CACNA2D3: variants seen among roughly 807,000 people sequenced by gnomAD.
The protein encoded by CACNA2D3 is calcium voltage-gated channel auxiliary subunit alpha2delta 3, also known as voltage-dependent calcium channel subunit alpha-2/delta-3.
In CACNA2D3, 60 loss-of-function variants were observed where a neutral mutation model predicts 160.6. The observed-to-expected ratio is 0.37, with a 90% confidence interval of 0.30 to 0.46. CACNA2D3 has a LOEUF of 0.46. Ranked by LOEUF, CACNA2D3 falls within the 20% of genes least tolerant of loss-of-function variation. The pLI, the probability that CACNA2D3 is intolerant of heterozygous loss-of-function variation, is 1.00. For missense variants in CACNA2D3, 1,205 were observed against 1,365.0 expected (o/e 0.88, Z 1.85); for synonymous variants, 558 against 492.9 (o/e 1.13, Z -1.75).
At chr3:54,464,891 G>A (rs542248953) in intron 4 of CACNA2D3, among the ~76,000 whole-genome samples, 123 of 152,284 alleles carry the variant, frequency 8.1e-4, no homozygotes, top group African/African-American at 2.3e-3. Flanking sequence ...GCTGTAGACC[G>A]GAGCTGTTCC....
intron 35 of CACNA2D3, among the ~76,000 whole-genome samples, chr3:55,031,044 C>T (rs748075316): frequency 6.6e-6 from 1 of 152,162 alleles, no homozygotes; most frequent in Non-Finnish European, 1.5e-5. Context: ...TGTCTGGGCT[C>T]ACAACACAGT....
intron 2 of CACNA2D3, among the ~76,000 whole-genome samples, chr3:54,285,372 A>G (rs953195602): frequency 1.3e-5 from 2 of 152,194 alleles, no homozygotes; most frequent in African/African-American, 4.8e-5. Flanking sequence ...GGCGGCAGCG[A>G]GGCTGGGGGA....
intron 11 of CACNA2D3, among the ~76,000 whole-genome samples, chr3:54,679,389 G>A (rs547701164): frequency 2.0e-5 from 3 of 152,174 alleles, no homozygotes; most frequent in African/African-American, 4.8e-5. Flanking sequence ...ATGCTAGAGC[G>A]GTTGAGGGAA....
At chr3:55,000,360 C>T (rs546993279) in intron 31 of CACNA2D3, among the ~76,000 whole-genome samples, 4 of 152,104 alleles carry the variant, frequency 2.6e-5, no homozygotes, top group Non-Finnish European at 5.9e-5. Context: ...TTTGTAACCT[C>T]GTCAATGGCA....
chr3:54,948,766 A>G (rs914000127), intron 27 of CACNA2D3, among the ~76,000 whole-genome samples: 2 of 152,242 alleles, frequency 1.3e-5, no homozygotes, highest in African/African-American at 4.8e-5. Context: ...ACAGATCTCT[A>G]TACATGAAGA....
At chr3:54,845,914 A>G (rs1559602713) in intron 16 of CACNA2D3, among the ~76,000 whole-genome samples, 3 of 152,188 alleles carry the variant, frequency 2.0e-5, no homozygotes, top group Admixed American at 2.0e-4. Flanking sequence ...ATGGAAAATG[A>G]CGGCCTAGGG....
intron 5 of CACNA2D3, among the ~76,000 whole-genome samples, chr3:54,539,858 C>T (rs1052412169): frequency 5.3e-5 from 8 of 152,084 alleles, no homozygotes; most frequent in Non-Finnish European, 1.2e-4. Flanking sequence ...AGTTTGTGGC[C>T]GGGTATTTTA....
intron 2 of CACNA2D3, among the ~76,000 whole-genome samples, chr3:54,276,684 A>G (rs916415944): frequency 6.6e-6 from 1 of 151,848 alleles, no homozygotes. Context: ...GGAATTAGGG[A>G]GGGGATGAGA....
At chr3:54,808,327 C>G (rs1703188969) in intron 13 of CACNA2D3, among the ~76,000 whole-genome samples, 1 of 152,100 alleles carries the variant, frequency 6.6e-6, no homozygotes, top group African/African-American at 2.4e-5. Flanking sequence ...TCAGAAGACA[C>G]CATGGGTGCT....
chr3:54,539,962 G>C (rs1365464920), intron 5 of CACNA2D3, among the ~76,000 whole-genome samples: 1 of 152,196 alleles, frequency 6.6e-6, no homozygotes, highest in Admixed American at 6.5e-5. Context: ...AGAAAAATAG[G>C]TGAGCCTGGA....
intron 4 of CACNA2D3, among the ~76,000 whole-genome samples, chr3:54,482,667 C>T (rs2106902842): frequency 6.6e-6 from 1 of 152,258 alleles, no homozygotes; most frequent in Non-Finnish European, 1.5e-5. Flanking sequence ...CCAGAAACCT[C>T]AGGGGATTCA....
At chr3:54,542,962 A>C (rs919102237) in intron 5 of CACNA2D3, among the ~76,000 whole-genome samples, 1 of 152,244 alleles carries the variant, frequency 6.6e-6, no homozygotes, top group African/African-American at 2.4e-5. Flanking sequence ...TATCTTGGTC[A>C]TATTCGTTGG....
At chr3:54,451,142 T>A (rs1700299204) in intron 4 of CACNA2D3, among the ~76,000 whole-genome samples, 1 of 151,584 alleles carries the variant, frequency 6.6e-6, no homozygotes, top group African/African-American at 2.4e-5. Context: ...CCCTGCCTTC[T>A]CTGGCTTATG....
intron 2 of CACNA2D3, among the ~76,000 whole-genome samples, chr3:54,312,684 A>G (rs914909643): frequency 1.3e-5 from 2 of 152,216 alleles, no homozygotes; most frequent in Non-Finnish European, 2.9e-5. Flanking sequence ...CCCAAATGAT[A>G]AATGTTCTTG....
At chr3:54,211,592 A>T (rs1194668636) in intron 2 of CACNA2D3, among the ~76,000 whole-genome samples, 1 of 152,160 alleles carries the variant, frequency 6.6e-6, no homozygotes, top group East Asian at 1.9e-4. Context: ...CCTGCTCCTT[A>T]CTACGTGTAT....
chr3:55,026,534 T>A (rs1285775765), intron 35 of CACNA2D3, among the ~76,000 whole-genome samples: 1 of 151,882 alleles, frequency 6.6e-6, no homozygotes, highest in Non-Finnish European at 1.5e-5. Context: ...AAGGAAGGCT[T>A]AGGTGGTCAA....
At chr3:54,370,836 GAAA>G (rs60211171) in intron 3 of CACNA2D3, among the ~76,000 whole-genome samples, 1 of 85,742 alleles carries the variant, frequency 1.2e-5, no homozygotes, top group Non-Finnish European at 2.4e-5. Context: ...CCCGACTCCA[GAAA>G]AAAAAAAAAA....
At chr3:54,485,600 G>A (rs1226355021) in intron 4 of CACNA2D3, among the ~76,000 whole-genome samples, 1 of 149,908 alleles carries the variant, frequency 6.7e-6, no homozygotes, top group African/African-American at 2.5e-5. Context: ...GAGTTGCCCT[G>A]TCATCCAGGC....
At chr3:54,351,050 C>A (rs528779749) in intron 3 of CACNA2D3, among the ~76,000 whole-genome samples, 1 of 134,308 alleles carries the variant, frequency 7.4e-6, no homozygotes, top group African/African-American at 2.8e-5. Context: ...GGCGCGATCT[C>A]GGCTCACTGC....
Sources: gnomAD v4.1 joint callset for allele counts (sites outside exome capture counted in the v4.1 genomes callset) on GRCh38, gnomAD v4.1.1 for gene constraint, MANE v1.5 for transcripts, NCBI Gene and HGNC (gene_info 2026-07-23, HGNC 2026-07-21) for gene names.